B3GLCT: variants seen among roughly 807,000 people sequenced by gnomAD.
B3GLCT encodes the protein beta-1,3-glucosyltransferase.
Under a neutral mutation model 63.4 loss-of-function variants are expected in B3GLCT, and 65 were observed. The observed-to-expected ratio is 1.03, with a 90% CI of 0.84 to 1.26. B3GLCT has a LOEUF of 1.26. B3GLCT is among the 50% of genes most tolerant of loss of function. The probability of loss-of-function intolerance (pLI) is 0.00; values close to 1 mark genes in which losing one functional copy is unlikely to be tolerated. For synonymous variants in B3GLCT, 233 were observed against 219.2 expected, an observed-to-expected ratio of 1.06 and a Z score of -0.55; for missense variants, 577 against 604.8, an observed-to-expected ratio of 0.95 and a Z score of 0.48.
intron 14 of B3GLCT, among the ~76,000 whole-genome samples, chr13:31,327,004 A>G (rs374707553): frequency 6.6e-6 from 1 of 152,154 alleles, no homozygotes; most frequent in East Asian, 1.9e-4. Context: ...TTAAAGGTGA[A>G]AAACCAGCAA....
chr13:31,247,084 T>A lies in B3GLCT; in HGVS notation c.332T>A (p.Leu111His). 1.2e-6 allele frequency: 2 copies of A among 1,613,528 alleles called. No homozygotes were observed. The highest frequency in any genetic ancestry group is 1.7e-6 in the Non-Finnish European group (2 of 1,179,550). The change falls in exon 5 of 15, where the codon CTT (leucine) becomes CAT (histidine). Residue 111 changes from leucine (L) to histidine (H), a missense_variant. Physicochemically the swap from Leu to His is moderately conservative, Grantham distance 99. Coordinates refer to ENST00000343307, the MANE Select transcript of B3GLCT (RefSeq NM_194318.4). ...LAKQEGAWTI[L>H]PLLPHFSVTY... ...AAACAAGAAGGTGCATGGACCATAC[T>A]TCCGTTGTTACCGCAGTACGTTTGT...
chr13:31,292,383 T>G (rs1218418949), intron 12 of B3GLCT, among the ~76,000 whole-genome samples: 1 of 152,054 alleles, frequency 6.6e-6, no homozygotes, highest in Non-Finnish European at 1.5e-5. Context: ...TCAGAAGGAG[T>G]GGTACCAGCT....
intron 4 of B3GLCT, among the ~76,000 whole-genome samples, chr13:31,234,812 G>A (rs1593262661): frequency 6.6e-6 from 1 of 152,140 alleles, no homozygotes; most frequent in Non-Finnish European, 1.5e-5. Flanking sequence ...AGTGACCCTG[G>A]TCTCTATTAC....
At chr13:31,201,426 C>A (rs1014334282) in intron 1 of B3GLCT, among the ~76,000 whole-genome samples, 5 of 152,156 alleles carry the variant, frequency 3.3e-5, no homozygotes, top group African/African-American at 4.8e-5. Context: ...TAGGGCACCT[C>A]CGGCAGAGAA....
intron 4 of B3GLCT, among the ~76,000 whole-genome samples, chr13:31,237,185 A>G (rs773683236): frequency 1.1e-4 from 17 of 151,952 alleles, no homozygotes; most frequent in Non-Finnish European, 2.4e-4. Context: ...TAGGGTCTGT[A>G]GACAATACTT....
chr13:31,251,955 G>A (rs964301697), intron 6 of B3GLCT, among the ~76,000 whole-genome samples: 3 of 151,466 alleles, frequency 2.0e-5, no homozygotes, highest in African/African-American at 7.3e-5. Context: ...AAAATGTTAA[G>A]GGCAGCCAGA....
At chr13:31,235,351 T>C (rs1870594394) in intron 4 of B3GLCT, among the ~76,000 whole-genome samples, 1 of 152,048 alleles carries the variant, frequency 6.6e-6, no homozygotes, top group African/African-American at 2.4e-5. Context: ...GTCAGCAGCA[T>C]ACATAGGTAG....
Position 31,249,721 on chromosome 13 carries a change from T to TA in B3GLCT, c.459+1764dup, listed in dbSNP as rs767816882. ...CCTCTTTTCAGAACTCTGCCATGTG[T>TA]AAAAAAAAACCATCCAGGATGCTTT... On this transcript the variant is annotated intron_variant, in intron 6 of 14. Coordinates refer to ENST00000343307, the MANE Select transcript of B3GLCT (RefSeq NM_194318.4). 1.0e-3 allele frequency among the ~76,000 whole-genome samples: 153 copies of TA among 151,368 alleles called. 3 individuals carry two copies. The East Asian group carries it at 0.011, about 11-fold the overall frequency.
At chr13:31,286,843 A>G (rs1566082308) in intron 12 of B3GLCT, 24 bp downstream of exon 12, 14 of 1,498,664 alleles carry the variant, frequency 9.3e-6, no homozygotes, top group African/African-American at 1.4e-5. Flanking sequence ...CTCATCCTAA[A>G]TGGCTTTAAA....
chr13:31,217,647 C>T (rs910473636), intron 2 of B3GLCT, among the ~76,000 whole-genome samples: 1 of 152,204 alleles, frequency 6.6e-6, no homozygotes, highest in Non-Finnish European at 1.5e-5. Context: ...CAGTGTCAAT[C>T]TTCTGTATAT....
chr13:31,236,076 C>A (rs752712799), intron 4 of B3GLCT, among the ~76,000 whole-genome samples: 1 of 152,194 alleles, frequency 6.6e-6, no homozygotes, highest in Non-Finnish European at 1.5e-5. Flanking sequence ...GTATGCACCC[C>A]CAAGGTGTAC....
intron 1 of B3GLCT, among the ~76,000 whole-genome samples, chr13:31,200,665 G>C (rs979762607): frequency 6.6e-6 from 1 of 151,892 alleles, no homozygotes; most frequent in African/African-American, 2.4e-5. Context: ...CGCGGCTCCT[G>C]TTCGACCCCC....
chr13:31,326,594 A>G (rs1182790167), intron 14 of B3GLCT, among the ~76,000 whole-genome samples: 1 of 151,960 alleles, frequency 6.6e-6, no homozygotes, highest in African/African-American at 2.4e-5. Context: ...GGTCTTTCTT[A>G]GGCAGTTTCA....
intron 4 of B3GLCT, among the ~76,000 whole-genome samples, chr13:31,233,500 C>G (rs1870483152): frequency 6.6e-6 from 1 of 152,154 alleles, no homozygotes; most frequent in African/African-American, 2.4e-5. Flanking sequence ...GGGGAGGCAG[C>G]TCTGCTCCAG....
chr13:31,315,756 A>G (rs1874967967), intron 12 of B3GLCT, among the ~76,000 whole-genome samples: 1 of 152,260 alleles, frequency 6.6e-6, no homozygotes, highest in Non-Finnish European at 1.5e-5. Flanking sequence ...CATGTCAGAG[A>G]TCTTCACAGC....
intron 4 of B3GLCT, among the ~76,000 whole-genome samples, chr13:31,233,094 C>T (rs1870464530): frequency 6.6e-6 from 1 of 152,154 alleles, no homozygotes; most frequent in African/African-American, 2.4e-5. Flanking sequence ...AGGTATTCAG[C>T]ATATGGCAAT....
At chr13:31,214,904 A>C in intron 1 of B3GLCT, 147 bp from the exon 2 acceptor site, 1 of 709,994 alleles carries the variant, frequency 1.4e-6, no homozygotes, top group Non-Finnish European at 2.3e-6. Flanking sequence ...CAGTAATACA[A>C]GTTTGCAGCA....
At chr13:31,234,523 G>A (rs1470290425) in intron 4 of B3GLCT, among the ~76,000 whole-genome samples, 2 of 152,188 alleles carry the variant, frequency 1.3e-5, no homozygotes, top group African/African-American at 4.8e-5. Flanking sequence ...GGGAGGGGAG[G>A]GCTTTCAGGG....
intron 2 of B3GLCT, among the ~76,000 whole-genome samples, chr13:31,216,381 T>C (rs1566044128): frequency 6.6e-6 from 1 of 151,898 alleles, no homozygotes; most frequent in Non-Finnish European, 1.5e-5. Context: ...GGTCACATGA[T>C]TTTTTTTTCT....
Sources: gnomAD v4.1 joint callset for allele counts (sites outside exome capture counted in the v4.1 genomes callset) on GRCh38, gnomAD v4.1.1 for gene constraint, MANE v1.5 for transcripts, NCBI Gene and HGNC (gene_info 2026-07-23, HGNC 2026-07-21) for gene names.